The following KCNQ3 variants were observed in gnomAD, a reference collection of about 807,000 sequenced individuals.
KCNQ3 encodes the protein potassium voltage-gated channel subfamily KQT member 3.
In KCNQ3, 30 loss-of-function variants were observed where a neutral mutation model predicts 92.5. The ratio of observed to expected loss-of-function variants is 0.32; its 90% confidence interval spans 0.24 to 0.44. KCNQ3 has a LOEUF of 0.44. Ranked by LOEUF, KCNQ3 falls within the 20% of genes least tolerant of loss-of-function variation. KCNQ3 has a pLI of 1.00. For synonymous variants in KCNQ3, 450 were observed against 468.8 expected (o/e 0.96, Z 0.52); for missense variants, 913 against 1,140.3 (o/e 0.80, Z 2.87).
At chr8:132,270,303 G>A (rs936287487) in intron 1 of KCNQ3, among the ~76,000 whole-genome samples, 1 of 152,184 alleles carries the variant, frequency 6.6e-6, no homozygotes, top group Non-Finnish European at 1.5e-5. Flanking sequence ...GAATTCTCCA[G>A]TTTCCAACTA....
In KCNQ3 at chr8:132,364,678, C is replaced by CAGACGGATGGAT. The variant is rs1486708564; in HGVS notation, c.386+115468_386+115469insATCCATCCGTCT. Among the ~76,000 whole-genome samples the CAGACGGATGGAT allele has an allele frequency of 4.6e-3, 571 of 123,720 alleles. 2 individuals are homozygous for CAGACGGATGGAT. The highest frequency in any genetic ancestry group is 0.014 in the African/African-American group (403 of 28,416). 81.2% of individuals were successfully genotyped at this position (123,720 alleles called of 152,430 possible). ...TGGGTTTAGTAAATGGATGGACGGACGGACGGACGGACGGACGGATGGATG... is the reference window on the plus strand; with the variant it reads ...TGGGTTTAGTAAATGGATGGACGGACAGACGGATGGATGGACGGACGGACGGACGGATGGATG... On this transcript the variant is annotated intron_variant, in intron 1 of 14. Coordinates refer to ENST00000388996, the MANE Select transcript of KCNQ3 (RefSeq NM_004519.4).
In KCNQ3 at chr8:132,242,049, C is replaced by T. The variant is rs115435705; in HGVS notation, c.387-55868G>A. Among the ~76,000 whole-genome samples the T allele has an allele frequency of 2.8e-3, 422 of 152,196 alleles. 2 individuals are homozygous for T. The highest frequency in any genetic ancestry group is 8.9e-3 in the African/African-American group (370 of 41,532). ...CCTCTGCACAACCACTTAACAGCAA[C>T]GAAATTTCTTCTCAGGCAGGAAGTA... On this transcript the variant is annotated intron_variant, in intron 1 of 14. Coordinates refer to ENST00000388996, the MANE Select transcript of KCNQ3 (RefSeq NM_004519.4).
intron 1 of KCNQ3, among the ~76,000 whole-genome samples, chr8:132,466,496 G>A (rs531612481): frequency 6.6e-6 from 1 of 152,204 alleles, no homozygotes; most frequent in African/African-American, 2.4e-5. Flanking sequence ...AGGCAGTCAT[G>A]GCTGGAGTTC....
At chr8:132,379,996 C>T (rs1258472900) in intron 1 of KCNQ3, among the ~76,000 whole-genome samples, 1 of 151,294 alleles carries the variant, frequency 6.6e-6, no homozygotes, top group Non-Finnish European at 1.5e-5. Flanking sequence ...ATAGTAATTA[C>T]CACAATGTAT....
intron 1 of KCNQ3, among the ~76,000 whole-genome samples, chr8:132,223,687 ATAGT>A (rs1163725852): frequency 1.3e-5 from 2 of 152,260 alleles, no homozygotes; most frequent in African/African-American, 4.8e-5. Context: ...ACGGGGCCAT[ATAGT>A]ATGCGTGGAG....
chr8:132,168,761 GTGTGTGTGTGTGT>G (rs1563784303), intron 8 of KCNQ3, among the ~76,000 whole-genome samples: 1 of 137,742 alleles, frequency 7.3e-6, no homozygotes, highest in Non-Finnish European at 1.6e-5. Flanking sequence ...GTGTGTGTGT[GTGTGTGTGTGTGT>G]GTGTGTTTGC....
Position 132,126,986 on chromosome 8 carries a change from T to C in KCNQ3, c.*2276A>G, listed in dbSNP as rs535019796. ...TTTATTGTTGGTTTCCAGTAACTCA[T>C]GTACATAAAGAAGAGCATAGTAACA... is the stretch of plus-strand genomic sequence containing the variant. On this transcript the variant is annotated 3_prime_UTR_variant, in exon 15 of 15. Coordinates refer to ENST00000388996, the MANE Select transcript of KCNQ3 (RefSeq NM_004519.4). 2 of 152,280 alleles carry C rather than the reference T, an allele frequency of 1.3e-5. No individual in the cohort carries two copies. Among genetic ancestry groups the C allele is most frequent in the South Asian group, 2.1e-4 (1 of 4,818 alleles). 9.4% of individuals were successfully genotyped at this position (152,280 alleles called of 1,614,324 possible). A position where few individuals can be genotyped will look rare whatever the true frequency, so the allele number is the denominator to read the frequency against.
chr8:132,141,812 A>G (rs1825305625), intron 9 of KCNQ3, among the ~76,000 whole-genome samples: 1 of 152,208 alleles, frequency 6.6e-6, no homozygotes. Context: ...TGGTGTCCAC[A>G]AACAGACCCT....
At chr8:132,408,299 C>A (rs1231794947) in intron 1 of KCNQ3, among the ~76,000 whole-genome samples, 2 of 152,132 alleles carry the variant, frequency 1.3e-5, no homozygotes, top group Admixed American at 6.5e-5. Flanking sequence ...CCAAGTACTG[C>A]TGTGGAGAGT....
chr8:132,344,921 G>T (rs1469864687), intron 1 of KCNQ3, among the ~76,000 whole-genome samples: 3 of 152,254 alleles, frequency 2.0e-5, no homozygotes, highest in Admixed American at 2.0e-4. Context: ...AAAGACAAAG[G>T]ATGTGAAGTA....
At chr8:132,252,935 C>A (rs867076117) in intron 1 of KCNQ3, among the ~76,000 whole-genome samples, 27 of 152,300 alleles carry the variant, frequency 1.8e-4, no homozygotes, top group Admixed American at 7.2e-4. Context: ...AAACACTGCC[C>A]TCCTTCTCAC....
In KCNQ3 at chr8:132,324,296, C is replaced by T. The variant is rs1306750783; in HGVS notation, c.387-138115G>A. 2.0e-5 allele frequency among the ~76,000 whole-genome samples: 3 copies of T among 152,180 alleles called. No individual in the cohort carries two copies. The East Asian group carries it at 5.8e-4, about 29-fold the overall frequency. ...TTCATTCTAATGTCCTTCCTTGGAT[C>T]CTCTCTTCTCAGCAAAACTATAGAA... On this transcript the variant is annotated intron_variant, in intron 1 of 14. Transcript: ENST00000388996.
At chr8:132,435,102 G>A (rs1453053053) in intron 1 of KCNQ3, among the ~76,000 whole-genome samples, 1 of 152,176 alleles carries the variant, frequency 6.6e-6, no homozygotes, top group Non-Finnish European at 1.5e-5. Flanking sequence ...GCACAGGCCT[G>A]GGTGGGGGAC....
intron 1 of KCNQ3, among the ~76,000 whole-genome samples, chr8:132,202,066 G>T (rs1167830711): frequency 6.6e-6 from 1 of 152,166 alleles, no homozygotes; most frequent in Non-Finnish European, 1.5e-5. Flanking sequence ...TGGAGCAGTG[G>T]GTTGAGCCAC....
At chr8:132,435,046 T>G (rs576447945) in intron 1 of KCNQ3, among the ~76,000 whole-genome samples, 4 of 152,272 alleles carry the variant, frequency 2.6e-5, no homozygotes, top group Admixed American at 2.0e-4. Flanking sequence ...AGCAGCCACC[T>G]AGGTCAGGGG....
chr8:132,344,151 G>C (rs1317048161), intron 1 of KCNQ3, among the ~76,000 whole-genome samples: 2 of 152,096 alleles, frequency 1.3e-5, no homozygotes, highest in Non-Finnish European at 2.9e-5. Flanking sequence ...CATAATACAC[G>C]GTGATCTCAT....
intron 1 of KCNQ3, among the ~76,000 whole-genome samples, chr8:132,444,897 C>T (rs1283301073): frequency 6.6e-6 from 1 of 152,138 alleles, no homozygotes; most frequent in East Asian, 1.9e-4. Flanking sequence ...TTCGACAAAG[C>T]AGAGTGCTTT....
chr8:132,241,461 G>A (rs1244165268), intron 1 of KCNQ3, among the ~76,000 whole-genome samples: 3 of 151,990 alleles, frequency 2.0e-5, no homozygotes, highest in Admixed American at 6.6e-5. Context: ...GCAATGGTGC[G>A]GTATCGGCTC....
rs373349894 is a variant in KCNQ3, at chr8:132,175,625, T to G, written c.778-17A>C. The G allele has an allele frequency of 7.6e-5, 122 of 1,613,012 alleles. No individual in the cohort carries two copies. The highest frequency in any genetic ancestry group is 9.6e-5 in the Non-Finnish European group (113 of 1,179,518). On this transcript the variant is annotated splice_polypyrimidine_tract_variant and intron_variant, in intron 4 of 14. Transcript: ENST00000388996. ...GATGAGTTCCTGAAAGAATGAACAGTGGACATGAAAAGTGGTCACTGGGGA... is the reference window on the plus strand; with the variant it reads ...GATGAGTTCCTGAAAGAATGAACAGGGGACATGAAAAGTGGTCACTGGGGA...
Sources: allele counts gnomAD v4.1 joint callset (sites outside exome capture counted in the v4.1 genomes callset), GRCh38; gene constraint gnomAD v4.1.1; transcripts MANE v1.5; gene names NCBI Gene and HGNC (gene_info 2026-07-23, HGNC 2026-07-21).